The following LTN1 variants were observed in gnomAD, a reference collection of about 807,000 sequenced individuals.
LTN1 encodes listerin E3 ubiquitin protein ligase 1.
LTN1 carries 88 observed loss-of-function variants against 201.2 expected under a neutral mutation model. That is an observed-to-expected ratio of 0.44 (90% confidence interval 0.37 to 0.52). The LOEUF is 0.52. Ranked by LOEUF, LTN1 falls within the 20% of genes least tolerant of loss-of-function variation. The pLI is 0.00. For synonymous variants in LTN1, 645 were observed against 713.5 expected (o/e 0.90, Z 1.53); for missense variants, 1,752 against 2,038.7 (o/e 0.86, Z 2.71).
In LTN1 at chr21:28,929,480, A is replaced by T. The variant is rs1045960037; in HGVS notation, c.*968T>A. On this transcript the variant is annotated 3_prime_UTR_variant, in exon 30 of 30. Transcript: ENST00000361371. ...CTTTCATTTCTGAAGGCTGAAAAAC[A>T]TTTGCTCCCCCAAGTCTCTTATTTA... 2 of 152,234 alleles carry T rather than the reference A, an allele frequency of 1.3e-5. No individual in the cohort carries two copies. Among genetic ancestry groups the T allele is most frequent in the African/African-American group, 4.8e-5 (2 of 41,416 alleles). 9.4% of individuals were successfully genotyped at this position (152,234 alleles called of 1,614,324 possible).
rs1199219473 is a variant in LTN1, at chr21:28,943,243, T to C, written c.4295+19A>G. ...GATTATAAGAATTTAATAAAACAAA[T>C]TATTTAAAAAAACCTTACAAGGCTG... On this transcript the variant is annotated intron_variant, in intron 24 of 29. Transcript: ENST00000361371. The C allele has an allele frequency of 2.0e-6, 3 of 1,506,416 alleles. 1 individual carries two copies. Among genetic ancestry groups the C allele is most frequent in the South Asian group, 2.3e-5 (2 of 86,304 alleles). The allele number at this position is 1,506,416 out of a possible 1,614,324, so 93.3% of individuals were successfully genotyped here.
At chr21:28,961,673 CTTT>C (rs79679931) in intron 11 of LTN1, 5,947 of 152,558 alleles carry the variant, frequency 0.039, 131 homozygotes, top group Middle Eastern at 0.1. Context: ...TTGGACAAAT[CTTT>C]TAATCAGCGT....
chr21:28,947,554 A>G lies in LTN1; in HGVS notation c.3397T>C (p.Phe1133Leu), dbSNP rs1303922818. Residue 1133 changes from phenylalanine (F) to leucine (L), a missense_variant, in exon 19 of 30, where the codon TTT becomes CTT. This residue lies in a region of LTN1 where 1,211 missense variants were observed against 1,312.8 expected (regional missense o/e 0.92). Coordinates refer to ENST00000361371, the MANE Select transcript of LTN1 (RefSeq NM_015565.3). The stretch of plus-strand genomic sequence containing the variant: ...TCTTTCTTTTCTTCTTTTGACAAAA[A>G]TGGACATAGACTTTGAATGGTATGC... ...NLHTIQSLCP[F>L]LSKEEKKEFS... 1 of 1,597,320 alleles carries G rather than the reference A, an allele frequency of 6.3e-7. No homozygotes were observed. The highest frequency in any genetic ancestry group is 8.5e-7 in the Non-Finnish European group (1 of 1,174,636).
At chr21:28,942,205 G>A (rs984409810) in intron 24 of LTN1, among the ~76,000 whole-genome samples, 12 of 151,876 alleles carry the variant, frequency 7.9e-5, no homozygotes, top group Admixed American at 1.3e-4. Flanking sequence ...TCCATCTCAT[G>A]TACCCAGCCT....
intron 19 of LTN1, among the ~76,000 whole-genome samples, chr21:28,946,837 C>T (rs1389728072): frequency 6.6e-6 from 1 of 152,118 alleles, no homozygotes; most frequent in Admixed American, 6.5e-5. Flanking sequence ...CCAAAATGAA[C>T]AATCTGTACC....
chr21:28,971,003 A>C (rs2084569772), intron 7 of LTN1, among the ~76,000 whole-genome samples: 1 of 152,216 alleles, frequency 6.6e-6, no homozygotes, highest in African/African-American at 2.4e-5. Context: ...GCTTTCTAAA[A>C]GGGACAATTA....
chr21:28,937,665 T>C (rs1488173944), intron 25 of LTN1, among the ~76,000 whole-genome samples: 1 of 152,176 alleles, frequency 6.6e-6, no homozygotes, highest in African/African-American at 2.4e-5. Flanking sequence ...ACATCCCAAA[T>C]CTGAAAATCC....
chr21:28,983,644 T>A (rs745919189), intron 4 of LTN1, among the ~76,000 whole-genome samples: 2 of 151,954 alleles, frequency 1.3e-5, no homozygotes, highest in Non-Finnish European at 2.9e-5. Flanking sequence ...AAATTTGAAC[T>A]TAAAAGTGTA....
chr21:28,990,425 G>A (rs1209041415), intron 1 of LTN1, among the ~76,000 whole-genome samples: 1 of 152,152 alleles, frequency 6.6e-6, no homozygotes, highest in African/African-American at 2.4e-5. Flanking sequence ...CATTAGTTGG[G>A]TTGTTTTCAT....
chr21:28,971,590 T>C (rs1381760275), intron 6 of LTN1, 146 bp from the exon 7 acceptor site: 2 of 696,858 alleles, frequency 2.9e-6, no homozygotes, highest in South Asian at 2.1e-5. Flanking sequence ...AATCTTAGAG[T>C]ATGAAATGGC....
chr21:28,947,757 G>A, intron 18 of LTN1, 151 bp from the exon 19 acceptor site: 1 of 497,838 alleles, frequency 2.0e-6, no homozygotes, highest in Non-Finnish European at 3.3e-6. Flanking sequence ...TTTAACAAGT[G>A]CTGACTTGAT....
intron 1 of LTN1, among the ~76,000 whole-genome samples, chr21:28,988,081 G>T (rs1186377665): frequency 6.9e-6 from 1 of 144,758 alleles, no homozygotes; most frequent in African/African-American, 2.6e-5. Flanking sequence ...GGCAGAGGTT[G>T]CAATGAGCCA....
At chr21:28,954,761 AT>A (rs2084410529) in intron 16 of LTN1, among the ~76,000 whole-genome samples, 3 of 152,350 alleles carry the variant, frequency 2.0e-5, no homozygotes, top group East Asian at 3.9e-4. Flanking sequence ...ACAGACCTCT[AT>A]CTCTCACCAT....
chr21:28,960,670 G>A lies in LTN1; in HGVS notation c.2200C>T (p.Pro734Ser). 4 of 1,613,894 alleles carry A rather than the reference G, an allele frequency of 2.5e-6. No homozygotes were observed. The highest frequency in any genetic ancestry group is 3.4e-6 in the Non-Finnish European group (4 of 1,179,918). ...PSSDKHALVTPWLKGDILGEK... is the reference protein window; with the variant it reads ...PSSDKHALVTSWLKGDILGEK... Reference sequence around the variant, plus strand: ...CCAAGGATATCGCCTTTGAGCCAAGGAGTTACTAAAGCATGTTTATCTGAA... The same window carrying A: ...CCAAGGATATCGCCTTTGAGCCAAGAAGTTACTAAAGCATGTTTATCTGAA... The change falls in exon 12 of 30, where the codon CCT becomes TCT. Residue 734 changes from proline to serine, a missense_variant. By Grantham distance (74) the Pro-to-Ser change is moderately conservative. This residue lies in a region of LTN1 where 1,211 missense variants were observed against 1,312.8 expected (regional missense o/e 0.92). Transcript: ENST00000361371.
intron 1 of LTN1, among the ~76,000 whole-genome samples, chr21:28,992,258 G>C (rs2084752517): frequency 6.6e-6 from 1 of 152,124 alleles, no homozygotes; most frequent in African/African-American, 2.4e-5. Context: ...GCCAAGAGGA[G>C]GGAGCTGAAG....
Position 28,969,047 on chromosome 21 carries a change from G to A in LTN1, c.1311+419C>T, listed in dbSNP as rs568784053. ...ACCAGCCTGGCCAACATGGTGAAAC[G>A]CCGTCTCTACTAAAAATACAAAAAT... On this transcript the variant is annotated intron_variant, in intron 9 of 29. Transcript: ENST00000361371. Among the ~76,000 whole-genome samples the A allele has an allele frequency of 2.0e-3, 301 of 151,638 alleles. 3 individuals carry two copies. Among genetic ancestry groups the A allele is most frequent in the African/African-American group, 7.0e-3 (292 of 41,432 alleles).
chr21:28,985,341 A>T (rs1295063465), intron 3 of LTN1, among the ~76,000 whole-genome samples: 2 of 152,004 alleles, frequency 1.3e-5, no homozygotes, highest in African/African-American at 4.8e-5. Context: ...CACACCTGTA[A>T]TCCCAGTTAC....
At chr21:28,979,768 G>A (rs1483590122) in intron 6 of LTN1, among the ~76,000 whole-genome samples, 6 of 152,116 alleles carry the variant, frequency 3.9e-5, no homozygotes, top group African/African-American at 1.4e-4. Context: ...TTAGGAGTTT[G>A]AGACCAGCCT....
Position 28,947,519 on chromosome 21 carries a change from A to G in LTN1, c.3432T>C (p.Ala1144=). 3 of 1,588,828 alleles carry G rather than the reference A, an allele frequency of 1.9e-6. No individual in the cohort carries two copies. The highest frequency in any genetic ancestry group is 2.6e-6 in the Non-Finnish European group (3 of 1,168,750). The change falls in exon 19 of 30, where the codon GCT becomes GCC. Residue 1144 remains alanine (A), a synonymous_variant. Coordinates refer to ENST00000361371, the MANE Select transcript of LTN1 (RefSeq NM_015565.3). The stretch of plus-strand genomic sequence containing the variant: ...AGCCCAAAAGAGCAGGTATACATTG[A>G]GCACTAAATTCTTTCTTTTCTTCTT... ...LSKEEKKEFS[A]QCIPALLGWT... is the part of the protein sequence containing the mutation.
Sources: gnomAD v4.1 joint callset for allele counts (sites outside exome capture counted in the v4.1 genomes callset) on GRCh38, gnomAD v4.1.1 for gene constraint, gnomAD v4.1.1 regional missense constraint, MANE v1.5 for transcripts, NCBI Gene and HGNC (gene_info 2026-07-23, HGNC 2026-07-21) for gene names.